Variants in FBXO31 observed in about 807,000 individuals in gnomAD.
FBXO31 encodes the protein F-box only protein 31.
Under a neutral mutation model 54.4 loss-of-function variants are expected in FBXO31, and 24 were observed. That is an observed-to-expected ratio of 0.44 (90% CI 0.32 to 0.62). The LOEUF (loss-of-function observed/expected upper bound fraction) is 0.62. Among genes scored for constraint, FBXO31 ranks in the 20% least tolerant of loss-of-function variants. FBXO31 has a pLI of 0.05. For missense variants in FBXO31, 665 were observed against 787.1 expected (o/e 0.84, Z 1.86); for synonymous variants, 388 against 335.6 (o/e 1.16, Z -1.71).
intron 3 of FBXO31, among the ~76,000 whole-genome samples, chr16:87,344,216 C>G (rs1230404972): frequency 6.6e-6 from 1 of 152,250 alleles, no homozygotes; most frequent in African/African-American, 2.4e-5. Context: ...CAGGAAACAC[C>G]CCCTTTCTTA....
chr16:87,350,429 C>G (rs2150679263), intron 2 of FBXO31, among the ~76,000 whole-genome samples: 2 of 152,274 alleles, frequency 1.3e-5, no homozygotes, highest in East Asian at 3.9e-4. Context: ...AGGAACAATC[C>G]TGAGTCCATT....
intron 1 of FBXO31, among the ~76,000 whole-genome samples, chr16:87,366,379 TC>T (rs1207657796): frequency 6.6e-6 from 1 of 152,188 alleles, no homozygotes; most frequent in African/African-American, 2.4e-5. Flanking sequence ...AAAATAATGC[TC>T]CTTATCATAA....
At chr16:87,379,822 G>C (rs559181475) in intron 1 of FBXO31, among the ~76,000 whole-genome samples, 124 of 151,596 alleles carry the variant, frequency 8.2e-4, no homozygotes, top group African/African-American at 2.9e-3. Context: ...TCCTGATCTC[G>C]GGTGATCTGC....
At position 87,336,274 on chromosome 16, in the gene FBXO31, G is replaced by C; in HGVS notation, c.733-10C>G. On this transcript the variant is annotated splice_polypyrimidine_tract_variant and intron_variant, in intron 5 of 8. Coordinates refer to ENST00000311635, the MANE Select transcript of FBXO31 (RefSeq NM_024735.5). The surrounding 1 kb of genome is among the most constrained non-coding windows in gnomAD (Gnocchi z 6.5). ...GCCACGTCCGAAACTCCTTCCAAAAGAACACAGGTCATGAATATCCATATG... is the reference window on the plus strand; with the variant it reads ...GCCACGTCCGAAACTCCTTCCAAAACAACACAGGTCATGAATATCCATATG... The C allele has an allele frequency of 6.2e-7, 1 of 1,612,806 alleles. No individual in the cohort carries two copies.
rs561064094 is a variant in FBXO31 at position 87,334,399 on chromosome 16, A to C, written c.997-113T>G. The C allele has an allele frequency of 1.0e-4, 99 of 970,650 alleles. No individual in the cohort carries two copies. The African/African-American group carries it at 1.4e-3, about 13-fold the overall frequency. 60.1% of individuals were successfully genotyped at this position (970,650 alleles called of 1,614,324 possible). On this transcript the variant is annotated intron_variant, in intron 7 of 8. Transcript: ENST00000311635. ...TGAGCGAGCTGGCACCAGCCCTCCT[A>C]CTGACTTAGCAACGTCCCTTACAGA...
chr16:87,381,471 G>C (rs1907074027), intron 1 of FBXO31, among the ~76,000 whole-genome samples: 1 of 152,220 alleles, frequency 6.6e-6, no homozygotes, highest in Admixed American at 6.5e-5. Context: ...AACAGGACTT[G>C]GGAAGGTGAA....
intron 3 of FBXO31, among the ~76,000 whole-genome samples, chr16:87,344,867 C>A (rs1453020909): frequency 6.6e-6 from 1 of 152,044 alleles, no homozygotes; most frequent in Non-Finnish European, 1.5e-5. Flanking sequence ...GGGGCAAAAC[C>A]CATCCCTGCC....
intron 2 of FBXO31, among the ~76,000 whole-genome samples, chr16:87,352,511 C>G (rs980093681): frequency 2.0e-5 from 3 of 152,000 alleles, no homozygotes; most frequent in African/African-American, 7.3e-5. Context: ...TAATCCAGGC[C>G]AGAAGTCCGC....
At chr16:87,361,540 A>C (rs1219976818) in intron 1 of FBXO31, among the ~76,000 whole-genome samples, 1 of 152,200 alleles carries the variant, frequency 6.6e-6, no homozygotes, top group African/African-American at 2.4e-5. Flanking sequence ...ACCGAGGCCC[A>C]GTGAAGTTGA....
chr16:87,376,230 G>C (rs996489558), intron 1 of FBXO31, among the ~76,000 whole-genome samples: 1 of 151,500 alleles, frequency 6.6e-6, no homozygotes, highest in African/African-American at 2.4e-5. Context: ...TCCCATTTTT[G>C]TTGCTTGCTC....
At chr16:87,370,521 C>T (rs1175823812) in intron 1 of FBXO31, among the ~76,000 whole-genome samples, 2 of 152,222 alleles carry the variant, frequency 1.3e-5, no homozygotes, top group African/African-American at 2.4e-5. Context: ...CAGAGTTCAG[C>T]TGGTAGGGCT....
chr16:87,336,786 G>T lies in FBXO31; in HGVS notation c.733-522C>A, dbSNP rs72804090. Among the ~76,000 whole-genome samples the T allele has an allele frequency of 0.013, 1,924 of 152,264 alleles. 14 individuals carry two copies. The highest frequency in any genetic ancestry group is 0.016 in the African/African-American group (664 of 41,556). On this transcript the variant is annotated intron_variant, in intron 5 of 8. Coordinates refer to ENST00000311635, the MANE Select transcript of FBXO31 (RefSeq NM_024735.5). This position sits in a 1 kb window ranked among gnomAD's most constrained non-coding sequence, Gnocchi z 6.5. ...CTGGGTGGATTTTCCTTTTTCAAAG[G>T]AAAAGCAGGTATGTTAAGGCGGTTC... is the stretch of plus-strand genomic sequence containing the variant.
rs977937323 is a variant in FBXO31 at position 87,336,019 on chromosome 16, C to A, written c.842+136G>T. ...GAGAGAGAGGGGCTGTACTCCCAGC[C>A]CCCAGCAGGAGAGAGGGCTGAACCC... On this transcript the variant is annotated intron_variant, in intron 6 of 8. Coordinates refer to ENST00000311635, the MANE Select transcript of FBXO31 (RefSeq NM_024735.5). This position sits in a 1 kb window ranked among gnomAD's most constrained non-coding sequence, Gnocchi z 6.5. 7.6e-6 allele frequency: 5 copies of A among 653,936 alleles called. No homozygotes were observed. The Admixed American group carries it at 8.7e-5, about 11-fold the overall frequency. 40.5% of individuals were successfully genotyped at this position (653,936 alleles called of 1,614,324 possible).
intron 5 of FBXO31, 75 bp downstream of exon 5, chr16:87,342,802 C>A: frequency 7.6e-7 from 1 of 1,307,198 alleles, no homozygotes; most frequent in Non-Finnish European, 1.0e-6. Flanking sequence ...TTCTCTCCCG[C>A]ATGGGTCTGT....
intron 1 of FBXO31, among the ~76,000 whole-genome samples, chr16:87,374,668 G>GA (rs1238919077): frequency 3.3e-5 from 5 of 152,218 alleles, no homozygotes; most frequent in Non-Finnish European, 5.9e-5. Flanking sequence ...CATTCACGGA[G>GA]AAAACGGCAA....
At chr16:87,378,300 G>A (rs1453159432) in intron 1 of FBXO31, among the ~76,000 whole-genome samples, 1 of 152,048 alleles carries the variant, frequency 6.6e-6, no homozygotes, top group East Asian at 1.9e-4. Flanking sequence ...TTTTAAATGT[G>A]CACCCTCACT....
At chr16:87,381,726 G>A (rs867505759) in intron 1 of FBXO31, among the ~76,000 whole-genome samples, 1 of 152,166 alleles carries the variant, frequency 6.6e-6, no homozygotes, top group African/African-American at 2.4e-5. Flanking sequence ...AATCCCACTT[G>A]AGGAACTGCA....
At chr16:87,374,955 G>A (rs928298094) in intron 1 of FBXO31, among the ~76,000 whole-genome samples, 1 of 152,100 alleles carries the variant, frequency 6.6e-6, no homozygotes, top group Non-Finnish European at 1.5e-5. Context: ...GGCCGGGGTG[G>A]GCAGATCACC....
intron 5 of FBXO31, among the ~76,000 whole-genome samples, chr16:87,341,768 A>T (rs80125188): frequency 0.012 from 1,806 of 152,264 alleles, 30 homozygotes; most frequent in African/African-American, 0.041. Flanking sequence ...CATTTCCGTT[A>T]CTGATCATCT....
Sources: allele counts gnomAD v4.1 joint callset (sites outside exome capture counted in the v4.1 genomes callset), GRCh38; gene constraint gnomAD v4.1.1; non-coding constraint Gnocchi (gnomAD v3.1); transcripts MANE v1.5; gene names NCBI Gene and HGNC (gene_info 2026-07-23, HGNC 2026-07-21).